The following MPZ variants were observed in gnomAD, a reference collection of about 807,000 sequenced individuals.
MPZ encodes the protein myelin protein P0.
MPZ carries 13 observed loss-of-function variants against 27.9 expected under a neutral mutation model. The observed-to-expected ratio is 0.47, with a 90% CI of 0.30 to 0.74. MPZ has a LOEUF of 0.74. Among genes scored for constraint, MPZ ranks in the 30% least tolerant of loss-of-function variants. The probability of loss-of-function intolerance (pLI) is 0.06; values close to 1 mark genes in which losing one functional copy is unlikely to be tolerated. For synonymous variants in MPZ, 118 were observed against 128.9 expected (o/e 0.92, Z 0.57); for missense variants, 256 against 317.5 (o/e 0.81, Z 1.47).
chr1:161,306,430 C>G lies in MPZ; in HGVS notation c.483G>C (p.Val161=), dbSNP rs769244921. The stretch of plus-strand genomic sequence containing the variant: ...GCACCACCCCGAGGACACCCCCGAT[C>G]ACAGCTCCCAGAACGACCCCGTACC... ...PTRYGVVLGA[V]IGGVLGVVLL... is the part of the protein sequence containing the mutation. Residue 161 remains valine, a synonymous_variant, in exon 4 of 6, where the codon GTG becomes GTC. Coordinates refer to ENST00000533357, the MANE Select transcript of MPZ (RefSeq NM_000530.8). The G allele has an allele frequency of 3.7e-6, 6 of 1,614,088 alleles. No individual in the cohort carries two copies. Among genetic ancestry groups the G allele is most frequent in the Middle Eastern group, 1.6e-4 (1 of 6,084 alleles).
intron 3 of MPZ, 102 bp downstream of exon 3, chr1:161,306,606 G>A: frequency 1.3e-6 from 2 of 1,548,192 alleles, no homozygotes; most frequent in Non-Finnish European, 1.8e-6. Context: ...CCTGAATAAA[G>A]GTCCTTAGGC....
rs116340443 is a variant in MPZ at position 161,309,319 on chromosome 1, G to A, written c.67+520C>T. Among the ~76,000 whole-genome samples, 507 of 152,018 alleles carry A rather than the reference G, an allele frequency of 3.3e-3. 2 individuals are homozygous for A. The highest frequency in any genetic ancestry group is 7.3e-3 in the South Asian group (35 of 4,810). On this transcript the variant is annotated intron_variant, in intron 1 of 5. Transcript: ENST00000533357. Reference sequence around the variant, plus strand: ...GGCACCTCCTGCACTGCTAGGGGACGAGTGGGAACCAAACCCAGGTGTTTG... The same window carrying A: ...GGCACCTCCTGCACTGCTAGGGGACAAGTGGGAACCAAACCCAGGTGTTTG...
At chr1:161,307,616 T>C in intron 1 of MPZ, 192 bp from the exon 2 acceptor site, 2 of 616,222 alleles carry the variant, frequency 3.2e-6, no homozygotes, top group Non-Finnish European at 5.7e-6. Context: ...TCTGTCAAGC[T>C]CTTTAGCATG....
rs1670255775 is a variant in MPZ at position 161,306,638 on chromosome 1, C to G, written c.448+70G>C. 7 of 1,576,886 alleles carry G rather than the reference C, an allele frequency of 4.4e-6. No homozygotes were observed. In the South Asian group the frequency reaches 6.7e-5, roughly 15 times the overall value. ...AGGCCGGGCTTTTTGCCTCTTCCCC[C>G]AACCTATCAGTCCTCCCTGATCCCC... On this transcript the variant is annotated intron_variant, in intron 3 of 5. Coordinates refer to ENST00000533357, the MANE Select transcript of MPZ (RefSeq NM_000530.8).
chr1:161,309,552 A>ATATATATATATATATTTTT, intron 1 of MPZ, among the ~76,000 whole-genome samples: 3 of 80,640 alleles, frequency 3.7e-5, no homozygotes, highest in African/African-American at 1.7e-4. Flanking sequence ...ATATATATAT[A>ATATATATATATATATTTTT]TTTTTTTTTT....
At chr1:161,309,552 A>ATATAT in intron 1 of MPZ, among the ~76,000 whole-genome samples, 2,245 of 80,600 alleles carry the variant, frequency 0.028, 81 homozygotes, top group Non-Finnish European at 0.036. Context: ...ATATATATAT[A>ATATAT]TTTTTTTTTT....
Position 161,306,171 on chromosome 1 carries a change from G to GC in MPZ, c.585-4dup. 1.9e-6 allele frequency: 3 copies of GC among 1,614,206 alleles called. No individual in the cohort carries two copies. The highest frequency in any genetic ancestry group is 2.5e-6 in the Non-Finnish European group (3 of 1,180,012). On this transcript the variant is annotated splice_polypyrimidine_tract_variant and splice_region_variant and intron_variant, in intron 4 of 5. Transcript: ENST00000533357. ...GCAATTTCCCCTTCTCCATAGCACT[G>GC]CAAGAAGAGAGACTGCTGTACGTTT...
Position 161,305,563 on chromosome 1 carries a change from C to T in MPZ, c.*313G>A. ...GGAATGAATTCTGGAATGAAACTTA[C>T]ATCTCAAAGGGAGGTGAGGGCAGGG... On this transcript the variant is annotated 3_prime_UTR_variant, in exon 6 of 6. Coordinates refer to ENST00000533357, the MANE Select transcript of MPZ (RefSeq NM_000530.8). The T allele has an allele frequency of 2.5e-6, 1 of 397,276 alleles. No homozygotes were observed. The highest frequency in any genetic ancestry group is 4.6e-6 in the Non-Finnish European group (1 of 218,832). 24.6% of individuals were successfully genotyped at this position (397,276 alleles called of 1,614,324 possible).
intron 1 of MPZ, among the ~76,000 whole-genome samples, chr1:161,309,311 T>C (rs562854403): frequency 1.2e-4 from 18 of 152,158 alleles, no homozygotes; most frequent in African/African-American, 4.3e-4. Context: ...CCTGCACTGC[T>C]AGGGGACGAG....
chr1:161,306,228 C>T, intron 4 of MPZ, 60 bp from the exon 5 acceptor site: 1 of 1,612,056 alleles, frequency 6.2e-7, no homozygotes, highest in Non-Finnish European at 8.5e-7. Context: ...ACCGCGGACA[C>T]AGCTTCCTCT....
chr1:161,308,668 A>C (rs1670319093), intron 1 of MPZ, among the ~76,000 whole-genome samples: 2 of 152,158 alleles, frequency 1.3e-5, no homozygotes. Flanking sequence ...TTAACAAGGG[A>C]GATAATTCAC....
chr1:161,306,973 G>C (rs752678382), intron 2 of MPZ, 52 bp from the exon 3 acceptor site: 1 of 816,844 alleles, frequency 1.2e-6, no homozygotes, highest in African/African-American at 2.0e-5. Context: ...GAACACAGCT[G>C]TCAAAGCTTA....
chr1:161,307,686 G>T (rs1670298111), intron 1 of MPZ, among the ~76,000 whole-genome samples: 1 of 152,186 alleles, frequency 6.6e-6, no homozygotes, highest in East Asian at 1.9e-4. Flanking sequence ...CAGAGATTGG[G>T]TTCTGTCTTT....
Position 161,307,100 on chromosome 1 carries a change from G to A in MPZ, c.234+158C>T, listed in dbSNP as rs368980831. 5.3e-5 allele frequency among the ~76,000 whole-genome samples: 8 copies of A among 151,840 alleles called. No individual in the cohort carries two copies. The East Asian group carries it at 1.4e-3, about 26-fold the overall frequency. Reference sequence around the variant, plus strand: ...GGAAAGGGTAGTGCTGGAGAAGGGAGGACAATGTAGTCAGGGTGACAAAGA... The same window carrying A: ...GGAAAGGGTAGTGCTGGAGAAGGGAAGACAATGTAGTCAGGGTGACAAAGA... On this transcript the variant is annotated intron_variant, in intron 2 of 5. Transcript: ENST00000533357.
At chr1:161,307,965 C>A (rs1670303353) in intron 1 of MPZ, among the ~76,000 whole-genome samples, 1 of 152,020 alleles carries the variant, frequency 6.6e-6, no homozygotes, top group South Asian at 2.1e-4. Context: ...AAGATATACA[C>A]ATACTTACAA....
At chr1:161,309,546 A>ATTTTT (rs1558155591) in intron 1 of MPZ, among the ~76,000 whole-genome samples, 5 of 74,852 alleles carry the variant, frequency 6.7e-5, no homozygotes, top group African/African-American at 3.2e-4. Flanking sequence ...ATATATATAT[A>ATTTTT]TATATATTTT....
chr1:161,305,618 C>T lies in MPZ; in HGVS notation c.*258G>A. The T allele has an allele frequency of 1.9e-6, 1 of 537,954 alleles. No homozygotes were observed. Among genetic ancestry groups the T allele is most frequent in the Non-Finnish European group, 3.3e-6 (1 of 304,570 alleles). 33.3% of individuals were successfully genotyped at this position (537,954 alleles called of 1,614,324 possible). ...GCGGGGGAGCAAAGAGGGAAAGCAC[C>T]TAGACGGGGGTAAGAGGAGCCTAGG... is the stretch of plus-strand genomic sequence containing the variant. On this transcript the variant is annotated 3_prime_UTR_variant, in exon 6 of 6. Transcript: ENST00000533357.
chr1:161,306,283 G>C, intron 4 of MPZ, 46 bp downstream of exon 4: 3 of 1,613,590 alleles, frequency 1.9e-6, no homozygotes, highest in Non-Finnish European at 2.5e-6. Context: ...CGCCCAGATG[G>C]GGGATAGTGG....
rs183433411 is a variant in MPZ, at chr1:161,305,325, G to A, written c.*551C>T. 6.4e-6 allele frequency: 1 copy of A among 156,646 alleles called. No homozygotes were observed. Among genetic ancestry groups the A allele is most frequent in the Admixed American group, 6.4e-5 (1 of 15,718 alleles). The allele number at this position is 156,646 out of a possible 1,614,324, so 9.7% of individuals were successfully genotyped here. A position where few individuals can be genotyped will look rare whatever the true frequency, so the allele number is the denominator to read the frequency against. On this transcript the variant is annotated 3_prime_UTR_variant, in exon 6 of 6. Transcript: ENST00000533357. ...TGGTAGAGGGGAGGGAGGGACGGGA[G>A]AGGAAACAGCCAGGGGGACAGGCTG...
Sources: allele counts gnomAD v4.1 joint callset (sites outside exome capture counted in the v4.1 genomes callset), GRCh38; gene constraint gnomAD v4.1.1; transcripts MANE v1.5; gene names NCBI Gene and HGNC (gene_info 2026-07-23, HGNC 2026-07-21).